Variants in GPR149 observed in about 807,000 individuals in gnomAD.
The protein encoded by GPR149 is G protein-coupled receptor 149, also known as probable G protein-coupled receptor 149.
GPR149 carries 50 observed loss-of-function variants against 50.2 expected under a neutral mutation model. That is an observed-to-expected ratio of 1.00 (90% CI 0.79 to 1.26). The LOEUF is 1.26. Ranked by LOEUF, GPR149 falls within the 50% of genes most tolerant of loss-of-function variation. The pLI is 0.00. For synonymous variants in GPR149, 405 were observed against 358.2 expected, an observed-to-expected ratio of 1.13 and a Z score of -1.48; for missense variants, 983 against 895.4, an observed-to-expected ratio of 1.10 and a Z score of -1.25.
In GPR149 at chr3:154,394,236, A is replaced by T. The variant is rs73000738; in HGVS notation, c.1623+26803T>A. ...ACAGACATATGGACAAATGGAACAG[A>T]ATAGAGAGCCTAGAAGTAAACCCAC... On this transcript the variant is annotated intron_variant, in intron 3 of 3. Coordinates refer to ENST00000389740, the MANE Select transcript of GPR149 (RefSeq NM_001038705.3). 9.8e-3 allele frequency among the ~76,000 whole-genome samples: 1,499 copies of T among 152,256 alleles called. 27 individuals are homozygous for T. The highest frequency in any genetic ancestry group is 0.031 in the African/African-American group (1,301 of 41,568).
chr3:154,370,830 C>T (rs891304364), intron 3 of GPR149, among the ~76,000 whole-genome samples: 3 of 152,198 alleles, frequency 2.0e-5, no homozygotes, highest in African/African-American at 7.2e-5. Context: ...CTTGCCTCCT[C>T]AGCTGCCATT....
chr3:154,429,748 C>T lies in GPR149; in HGVS notation c.-133G>A. ...CTAGATGTTCTCCTTGTCAGTCCTGCAGAAAATGGTCAGCCATGTCTCCTT... is the reference window on the plus strand; with the variant it reads ...CTAGATGTTCTCCTTGTCAGTCCTGTAGAAAATGGTCAGCCATGTCTCCTT... On this transcript the variant is annotated 5_prime_UTR_variant, in exon 1 of 4. Transcript: ENST00000389740. The T allele has an allele frequency of 1.4e-6, 1 of 738,116 alleles. No homozygotes were observed. 45.7% of individuals were successfully genotyped at this position (738,116 alleles called of 1,614,324 possible). A position where few individuals can be genotyped will look rare whatever the true frequency, so the allele number is the denominator to read the frequency against.
At position 154,429,811 on chromosome 3, in the gene GPR149, A is replaced by T; in HGVS notation, c.-196T>A. On this transcript the variant is annotated 5_prime_UTR_variant, in exon 1 of 4. An upstream start codon of the reference 5' UTR is lost. Transcript: ENST00000389740. ...AAGCTATATTTAAAAATTAGGTTCC[A>T]TTTCAAGCATAAAAAAAAAAAAACC... 1 of 407,310 alleles carries T rather than the reference A, an allele frequency of 2.5e-6. No individual in the cohort carries two copies. The highest frequency in any genetic ancestry group is 3.7e-5 in the East Asian group (1 of 27,140). 25.2% of individuals were successfully genotyped at this position (407,310 alleles called of 1,614,324 possible).
intron 3 of GPR149, among the ~76,000 whole-genome samples, chr3:154,415,049 A>AT (rs1455304223): frequency 2.0e-5 from 3 of 152,034 alleles, no homozygotes; most frequent in East Asian, 1.9e-4. Flanking sequence ...ACTCTGTACT[A>AT]TTTTTTTGCA....
chr3:154,337,659 G>A lies in GPR149; in HGVS notation c.*40C>T, dbSNP rs565102837. 2.0e-5 allele frequency: 28 copies of A among 1,394,596 alleles called. No homozygotes were observed. The highest frequency in any genetic ancestry group is 1.9e-4 in the Middle Eastern group (1 of 5,386). The allele number at this position is 1,394,596 out of a possible 1,614,324, so 86.4% of individuals were successfully genotyped here. A position where few individuals can be genotyped will look rare whatever the true frequency, so the allele number is the denominator to read the frequency against. On this transcript the variant is annotated 3_prime_UTR_variant, in exon 4 of 4. Coordinates refer to ENST00000389740, the MANE Select transcript of GPR149 (RefSeq NM_001038705.3). ...CAAAGGTGTTAGTTTCACAGTTGAC[G>A]TTGCAGATCCATTCTTGCTCCTGTT...
intron 3 of GPR149, among the ~76,000 whole-genome samples, chr3:154,374,046 G>T (rs1381390173): frequency 6.6e-6 from 1 of 152,080 alleles, no homozygotes; most frequent in Non-Finnish European, 1.5e-5. Flanking sequence ...TGGGTGCTTA[G>T]AGTTTGTTTT....
At chr3:154,400,076 T>A (rs1453838692) in intron 3 of GPR149, among the ~76,000 whole-genome samples, 1 of 152,132 alleles carries the variant, frequency 6.6e-6, no homozygotes, top group East Asian at 1.9e-4. Context: ...AAGCTCCGCC[T>A]CCCGGGTTCA....
At chr3:154,414,959 A>G (rs1351664134) in intron 3 of GPR149, among the ~76,000 whole-genome samples, 1 of 151,996 alleles carries the variant, frequency 6.6e-6, no homozygotes, top group East Asian at 1.9e-4. Flanking sequence ...TAAAATTTAG[A>G]GATTAGTTAT....
At position 154,353,527 on chromosome 3, in the gene GPR149, T is replaced by A. The variant is rs1576901786; in HGVS notation, c.1624-15256A>T. On this transcript the variant is annotated intron_variant, in intron 3 of 3. Coordinates refer to ENST00000389740, the MANE Select transcript of GPR149 (RefSeq NM_001038705.3). ...CAGCCACTCTGCAGATGATCTTTGATATGACCAGGGGTTCCAACCAAGATG... is the reference window on the plus strand; with the variant it reads ...CAGCCACTCTGCAGATGATCTTTGAAATGACCAGGGGTTCCAACCAAGATG... 6 of 920,536 alleles carry A rather than the reference T, an allele frequency of 6.5e-6. No individual in the cohort carries two copies. In the East Asian group the frequency reaches 1.4e-4, roughly 22 times the overall value. 57.0% of individuals were successfully genotyped at this position (920,536 alleles called of 1,614,324 possible). A position where few individuals can be genotyped will look rare whatever the true frequency, so the allele number is the denominator to read the frequency against.
In GPR149 at chr3:154,336,284, A is replaced by T. The variant is rs951710798; in HGVS notation, c.*1415T>A. The stretch of plus-strand genomic sequence containing the variant: ...GCAACAAAAGATGAAACATTCTGAA[A>T]GCCGATGTCAAGTAATTTTGAATTC... On this transcript the variant is annotated 3_prime_UTR_variant, in exon 4 of 4. Transcript: ENST00000389740. 1.3e-5 allele frequency: 2 copies of T among 152,114 alleles called. No individual in the cohort carries two copies. Among genetic ancestry groups the T allele is most frequent in the Non-Finnish European group, 2.9e-5 (2 of 67,948 alleles). 9.4% of individuals were successfully genotyped at this position (152,114 alleles called of 1,614,324 possible).
chr3:154,423,859 A>G (rs1169536433), intron 2 of GPR149, among the ~76,000 whole-genome samples: 1 of 151,560 alleles, frequency 6.6e-6, no homozygotes, highest in Non-Finnish European at 1.5e-5. Context: ...ATTTTTTATT[A>G]TTATTATACT....
intron 3 of GPR149, among the ~76,000 whole-genome samples, chr3:154,403,322 T>A (rs568090844): frequency 5.3e-5 from 8 of 152,222 alleles, no homozygotes; most frequent in African/African-American, 1.7e-4. Context: ...AGATAAGACA[T>A]AATTGGGTCC....
intron 3 of GPR149, among the ~76,000 whole-genome samples, chr3:154,373,590 G>T (rs967887727): frequency 3.9e-5 from 6 of 152,180 alleles, no homozygotes; most frequent in Non-Finnish European, 8.8e-5. Context: ...CTAGTCATCA[G>T]ATGTTTTTGT....
At chr3:154,396,300 T>A (rs1012620952) in intron 3 of GPR149, among the ~76,000 whole-genome samples, 1 of 152,178 alleles carries the variant, frequency 6.6e-6, no homozygotes, top group Non-Finnish European at 1.5e-5. Context: ...TATTAAGAAA[T>A]TTTCATTTTT....
rs1037071990 is a variant in GPR149 at position 154,428,962 on chromosome 3, A to G, written c.654T>C (p.Cys218=). ...LSVPLTHRLL[C]SEEPPRLHSN... ...AGTGGAGTCTCGGCGGCTCCTCCGA[A>G]CACAGCAATCGGTGAGTGAGTGGGA... Residue 218 remains cysteine (C), a synonymous_variant, in exon 1 of 4, where the codon TGT becomes TGC. Coordinates refer to ENST00000389740, the MANE Select transcript of GPR149 (RefSeq NM_001038705.3). The G allele has an allele frequency of 6.2e-7, 1 of 1,613,936 alleles. No individual in the cohort carries two copies. Among genetic ancestry groups the G allele is most frequent in the Admixed American group, 1.7e-5 (1 of 60,014 alleles).
intron 3 of GPR149, chr3:154,353,856 G>T (rs530807810): frequency 1.6e-6 from 1 of 613,564 alleles, no homozygotes; most frequent in Non-Finnish European, 3.0e-6. Flanking sequence ...ATAGGAAAGA[G>T]ATATGTTACC....
At chr3:154,396,981 A>C (rs548164284) in intron 3 of GPR149, among the ~76,000 whole-genome samples, 113 of 152,112 alleles carry the variant, frequency 7.4e-4, no homozygotes, top group Non-Finnish European at 1.3e-3. Flanking sequence ...CTTGAGTTTA[A>C]AATGTATAAT....
At chr3:154,339,869 A>C (rs1713748979) in intron 3 of GPR149, among the ~76,000 whole-genome samples, 1 of 136,870 alleles carries the variant, frequency 7.3e-6, no homozygotes, top group African/African-American at 2.8e-5. Context: ...GGTTCACTGC[A>C]AGCTCTGCCT....
At chr3:154,353,364 A>T (rs1263672590) in intron 3 of GPR149, 2 of 1,404,664 alleles carry the variant, frequency 1.4e-6, no homozygotes, top group East Asian at 2.3e-5. Context: ...TGCAGAAAAA[A>T]GTAAAGTCTG....
Sources: allele counts gnomAD v4.1 joint callset (sites outside exome capture counted in the v4.1 genomes callset), GRCh38; gene constraint gnomAD v4.1.1; transcripts MANE v1.5; gene names NCBI Gene and HGNC (gene_info 2026-07-23, HGNC 2026-07-21).